UBL3: variants seen among roughly 807,000 people sequenced by gnomAD.
UBL3 encodes the protein ubiquitin like 3, also known as ubiquitin-like protein 3.
Under a neutral mutation model 18.4 loss-of-function variants are expected in UBL3, and 6 were observed. The ratio of observed to expected loss-of-function variants is 0.33; its 90% CI spans 0.18 to 0.64. The LOEUF is 0.64. Among genes scored for constraint, UBL3 ranks in the 30% least tolerant of loss-of-function variants. The pLI is 0.76. For missense variants in UBL3, 109 were observed against 142.9 expected (o/e 0.76, Z 1.21); for synonymous variants, 49 against 46.6 (o/e 1.05, Z -0.21).
chr13:29,787,274 C>T (rs1185411792), intron 1 of UBL3, among the ~76,000 whole-genome samples: 1 of 152,008 alleles, frequency 6.6e-6, no homozygotes, highest in Non-Finnish European at 1.5e-5. Context: ...GCATTTAGTG[C>T]CCAGCACGTA....
chr13:29,817,518 G>A (rs538690074), intron 1 of UBL3, among the ~76,000 whole-genome samples: 2 of 152,252 alleles, frequency 1.3e-5, no homozygotes, highest in East Asian at 1.9e-4. Flanking sequence ...GTCAGGGGAG[G>A]AACAGGAAAG....
intron 1 of UBL3, among the ~76,000 whole-genome samples, chr13:29,815,802 A>C (rs1230304272): frequency 6.6e-6 from 1 of 152,176 alleles, no homozygotes; most frequent in Non-Finnish European, 1.5e-5. Context: ...TGGATAACTT[A>C]CCTACTGCAA....
In UBL3 at chr13:29,823,247, A is replaced by C. The variant is rs533960315; in HGVS notation, c.27+26265T>G. Among the ~76,000 whole-genome samples, 6 of 152,186 alleles carry C rather than the reference A, an allele frequency of 3.9e-5. No homozygotes were observed. The South Asian group carries it at 1.2e-3, about 32-fold the overall frequency. Reference sequence around the variant, plus strand: ...AACCTCCATCTCCCGGGTTCAAGCGATTCTCCTGCCTCAGCCTCCCAAGTA... The same window carrying C: ...AACCTCCATCTCCCGGGTTCAAGCGCTTCTCCTGCCTCAGCCTCCCAAGTA... On this transcript the variant is annotated intron_variant, in intron 1 of 4. Coordinates refer to ENST00000380680, the MANE Select transcript of UBL3 (RefSeq NM_007106.4).
chr13:29,823,050 T>A (rs1878511986), intron 1 of UBL3, among the ~76,000 whole-genome samples: 1 of 152,270 alleles, frequency 6.6e-6, no homozygotes, highest in Non-Finnish European at 1.5e-5. Flanking sequence ...AAATGTTTTC[T>A]ATTTTACAAG....
intron 4 of UBL3, 134 bp from the exon 5 acceptor site, chr13:29,767,441 G>A: frequency 5.7e-6 from 7 of 1,235,484 alleles, no homozygotes; most frequent in Non-Finnish European, 5.6e-6. Context: ...TTAAGAAGCT[G>A]TAATAAATGT....
At chr13:29,831,111 G>A (rs752049825) in intron 1 of UBL3, among the ~76,000 whole-genome samples, 5 of 151,762 alleles carry the variant, frequency 3.3e-5, no homozygotes, top group African/African-American at 4.8e-5. Flanking sequence ...TGTGCCTTCA[G>A]GGTATCCTCC....
chr13:29,788,999 A>G (rs1355969332), intron 1 of UBL3, among the ~76,000 whole-genome samples: 1 of 151,998 alleles, frequency 6.6e-6, no homozygotes, highest in Non-Finnish European at 1.5e-5. Context: ...TCCTGGGCTC[A>G]AGAGATTTTC....
intron 1 of UBL3, among the ~76,000 whole-genome samples, chr13:29,818,632 A>G (rs1878346061): frequency 6.6e-6 from 1 of 152,184 alleles, no homozygotes; most frequent in South Asian, 2.1e-4. Flanking sequence ...CTGACTTCAC[A>G]TAATACGCCT....
chr13:29,830,847 A>T (rs1183727471), intron 1 of UBL3, among the ~76,000 whole-genome samples: 1 of 152,214 alleles, frequency 6.6e-6, no homozygotes, highest in Non-Finnish European at 1.5e-5. Flanking sequence ...TATGGAAGAA[A>T]ACTACAAGAA....
intron 1 of UBL3, among the ~76,000 whole-genome samples, chr13:29,797,517 T>C (rs764213431): frequency 1.5e-4 from 23 of 152,188 alleles, no homozygotes; most frequent in Non-Finnish European, 3.1e-4. Flanking sequence ...GCACTGACAT[T>C]CCCCAATACA....
intron 1 of UBL3, among the ~76,000 whole-genome samples, chr13:29,786,282 C>T (rs774645774): frequency 2.0e-5 from 3 of 152,198 alleles, no homozygotes; most frequent in Non-Finnish European, 2.9e-5. Flanking sequence ...CACTAGGCTC[C>T]AACCACAGGG....
chr13:29,780,406 G>GTGTGTGTA (rs1555232310), intron 1 of UBL3, among the ~76,000 whole-genome samples: 7 of 133,918 alleles, frequency 5.2e-5, no homozygotes, highest in African/African-American at 1.4e-4. Context: ...GTGTGTGTGT[G>GTGTGTGTA]TATATATATA....
intron 1 of UBL3, among the ~76,000 whole-genome samples, chr13:29,807,259 G>C (rs1460977733): frequency 1.3e-5 from 2 of 152,166 alleles, no homozygotes; most frequent in Non-Finnish European, 2.9e-5. Flanking sequence ...AGGTTAAACT[G>C]TAAGTCAGGA....
chr13:29,769,073 C>T (rs1408909508), intron 3 of UBL3, among the ~76,000 whole-genome samples: 1 of 152,086 alleles, frequency 6.6e-6, no homozygotes, highest in Non-Finnish European at 1.5e-5. Flanking sequence ...ATTACCTGCC[C>T]TTTGTAGCTG....
chr13:29,772,253 T>A, intron 2 of UBL3, 55 bp from the exon 3 acceptor site: 1 of 1,429,552 alleles, frequency 7.0e-7, no homozygotes, highest in Non-Finnish European at 9.6e-7. Context: ...ATTAAGGTAC[T>A]ACTATATTGT....
chr13:29,785,374 T>G (rs1050842476), intron 1 of UBL3, among the ~76,000 whole-genome samples: 7 of 152,186 alleles, frequency 4.6e-5, no homozygotes, highest in Admixed American at 1.3e-4. Flanking sequence ...CAACTTTTTA[T>G]AATTTGGTGT....
At chr13:29,822,589 G>T (rs1878487695) in intron 1 of UBL3, among the ~76,000 whole-genome samples, 1 of 152,200 alleles carries the variant, frequency 6.6e-6, no homozygotes, top group South Asian at 2.1e-4. Context: ...CTGAGGTGGA[G>T]TGCAGTGGCG....
chr13:29,804,274 G>A lies in UBL3; in HGVS notation c.28-27011C>T, dbSNP rs544007095. On this transcript the variant is annotated intron_variant, in intron 1 of 4. Transcript: ENST00000380680. Reference sequence around the variant, plus strand: ...TCAAGAAATGCTTTGAAACTAATGAGAACAAAGATATAACATACCAAAATC... The same window carrying A: ...TCAAGAAATGCTTTGAAACTAATGAAAACAAAGATATAACATACCAAAATC... Among the ~76,000 whole-genome samples, 7 of 152,018 alleles carry A rather than the reference G, an allele frequency of 4.6e-5. No homozygotes were observed. In the East Asian group the frequency reaches 1.4e-3, roughly 29 times the overall value.
chr13:29,837,151 G>C (rs1222819326), intron 1 of UBL3, among the ~76,000 whole-genome samples: 2 of 152,156 alleles, frequency 1.3e-5, no homozygotes, highest in Admixed American at 6.5e-5. Flanking sequence ...CCATAATTCA[G>C]ATTCTCTATA....
Sources: gnomAD v4.1 joint callset for allele counts (sites outside exome capture counted in the v4.1 genomes callset) on GRCh38, gnomAD v4.1.1 for gene constraint, MANE v1.5 for transcripts, NCBI Gene and HGNC (gene_info 2026-07-23, HGNC 2026-07-21) for gene names.